The following PADI6 variants were observed in gnomAD, a reference collection of about 807,000 sequenced individuals.
The protein encoded by PADI6 is peptidyl arginine deiminase 6.
Under a neutral mutation model 78.2 loss-of-function variants are expected in PADI6, and 66 were observed. The observed-to-expected ratio is 0.84, with a 90% CI of 0.69 to 1.04. The LOEUF is 1.04. PADI6 is among the 50% of genes least tolerant of loss of function. The probability of loss-of-function intolerance (pLI) is 0.00; values close to 1 mark genes in which losing one functional copy is unlikely to be tolerated. For synonymous variants in PADI6, 397 were observed against 346.9 expected, an observed-to-expected ratio of 1.14 and a Z score of -1.60; for missense variants, 854 against 866.1, an observed-to-expected ratio of 0.99 and a Z score of 0.18.
Position 17,401,225 on chromosome 1 carries a change from C to CA in PADI6, c.1874dup (p.Asn626GlufsTer38), listed in dbSNP as rs745431993. 2.6e-5 allele frequency: 42 copies of CA among 1,613,870 alleles called. No individual in the cohort carries two copies. Among genetic ancestry groups the CA allele is most frequent in the Non-Finnish European group, 3.0e-5 (35 of 1,179,880 alleles). On this transcript the variant is annotated frameshift_variant, in exon 16 of 16. Coordinates refer to ENST00000619609, the MANE Select transcript of PADI6 (RefSeq NM_207421.4). LOFTEE classifies it high-confidence loss of function. Reference sequence around the variant, plus strand: ...AACAGTTGCGGATGATTGTGATGGGCAAGAACCTGGGGATCCCCAAGCCTT... The same window carrying CA: ...AACAGTTGCGGATGATTGTGATGGGCAAAGAACCTGGGGATCCCCAAGCCTT...
At position 17,375,873 on chromosome 1, in the gene PADI6, AAGAAC is replaced by A. The variant is rs532302912; in HGVS notation, c.367+376_367+380del. ...TGTCTCACTAGATCCTTTCTTATTC[AAGAAC>A]ATTCCTTTGTCAATTCTTACCAATG... is the stretch of plus-strand genomic sequence containing the variant. On this transcript the variant is annotated intron_variant, in intron 3 of 15. Coordinates refer to ENST00000619609, the MANE Select transcript of PADI6 (RefSeq NM_207421.4). Among the ~76,000 whole-genome samples the A allele has an allele frequency of 2.8e-3, 428 of 152,200 alleles. 7 individuals carry two copies. Among genetic ancestry groups the A allele is most frequent in the Admixed American group, 0.021 (327 of 15,290 alleles).
At chr1:17,393,604 G>A (rs1382964806) in intron 9 of PADI6, among the ~76,000 whole-genome samples, 1 of 152,168 alleles carries the variant, frequency 6.6e-6, no homozygotes, top group African/African-American at 2.4e-5. Flanking sequence ...CTCCTGAGTA[G>A]CTGGGATTAC....
At chr1:17,398,640 C>T (rs2075269186) in intron 14 of PADI6, 46 bp from the exon 15 acceptor site, 1 of 891,892 alleles carries the variant, frequency 1.1e-6, no homozygotes, top group Non-Finnish European at 1.7e-6. Flanking sequence ...CTGATGAGCT[C>T]TCCTTGCTCC....
At position 17,372,207 on chromosome 1, in the gene PADI6, G is replaced by A. The variant is rs1428397124; in HGVS notation, c.-39G>A. 6.3e-7 allele frequency: 1 copy of A among 1,579,424 alleles called. No homozygotes were observed. Among genetic ancestry groups the A allele is most frequent in the African/African-American group, 1.3e-5 (1 of 74,316 alleles). ...CAGGGTGAGCCCTGGGGCGTCTGAGGCTGCTGTGCTGAGTGAGGGCTGCGG... is the reference window on the plus strand; with the variant it reads ...CAGGGTGAGCCCTGGGGCGTCTGAGACTGCTGTGCTGAGTGAGGGCTGCGG... On this transcript the variant is annotated 5_prime_UTR_variant, in exon 1 of 16. Coordinates refer to ENST00000619609, the MANE Select transcript of PADI6 (RefSeq NM_207421.4).
At chr1:17,393,385 C>T (rs1161116243) in intron 9 of PADI6, among the ~76,000 whole-genome samples, 12 of 152,152 alleles carry the variant, frequency 7.9e-5, no homozygotes, top group Non-Finnish European at 1.8e-4. Context: ...AGAATAGAAG[C>T]GAAACTGGAA....
At chr1:17,388,274 C>T in intron 6 of PADI6, 107 bp from the exon 7 acceptor site, 1 of 1,087,578 alleles carries the variant, frequency 9.2e-7, no homozygotes, top group East Asian at 2.6e-5. Context: ...CCTCCTGGAA[C>T]TCACAGCCTT....
chr1:17,388,688 G>C, intron 7 of PADI6, 89 bp from the exon 8 acceptor site: 5 of 1,476,156 alleles, frequency 3.4e-6, no homozygotes, highest in Non-Finnish European at 4.6e-6. Flanking sequence ...GCCCAGCTGG[G>C]GGCCGGACTG....
In PADI6 at chr1:17,401,556, C is replaced by G; in HGVS notation, c.*118C>G. ...GAGAGTCCAGGCAACAGAACCCTTT[C>G]TTCCCTGTCTGCCCCGACCGACCCT... is the stretch of plus-strand genomic sequence containing the variant. On this transcript the variant is annotated 3_prime_UTR_variant, in exon 16 of 16. Transcript: ENST00000619609. 1 of 959,496 alleles carries G rather than the reference C, an allele frequency of 1.0e-6. No individual in the cohort carries two copies. Among genetic ancestry groups the G allele is most frequent in the Non-Finnish European group, 1.5e-6 (1 of 649,876 alleles). The allele number at this position is 959,496 out of a possible 1,614,324, so 59.4% of individuals were successfully genotyped here. A position where few individuals can be genotyped will look rare whatever the true frequency, so the allele number is the denominator to read the frequency against.
intron 9 of PADI6, among the ~76,000 whole-genome samples, chr1:17,393,716 C>T (rs116242816): frequency 1.2e-3 from 190 of 152,216 alleles, no homozygotes; most frequent in Non-Finnish European, 2.4e-3. Context: ...CTCAAGTGAT[C>T]CACCCACCTT....
In PADI6 at chr1:17,372,465, C is replaced by T. The variant is rs1030135578; in HGVS notation, c.116+104C>T. ...GTTGGGGGTTACTTCTCTAGCCTCA[C>T]TATCCTGCCCCATCTTGGGAAGCCT... On this transcript the variant is annotated intron_variant, in intron 1 of 15. Transcript: ENST00000619609. 4 of 1,069,528 alleles carry T rather than the reference C, an allele frequency of 3.7e-6. No individual in the cohort carries two copies. The East Asian group carries it at 7.1e-5, about 19-fold the overall frequency. 66.3% of individuals were successfully genotyped at this position (1,069,528 alleles called of 1,614,324 possible).
chr1:17,395,684 C>T (rs1466876077), intron 13 of PADI6, 21 bp downstream of exon 13: 70 of 1,601,486 alleles, frequency 4.4e-5, no homozygotes, highest in Non-Finnish European at 5.6e-5. Context: ...TCCCTTTCCA[C>T]AGAACAGAAC....
At chr1:17,380,849 C>T (rs2075066160) in intron 4 of PADI6, among the ~76,000 whole-genome samples, 198 bp from the exon 5 acceptor site, 1 of 152,184 alleles carries the variant, frequency 6.6e-6, no homozygotes, top group Admixed American at 6.5e-5. Context: ...CCGAACCTAG[C>T]TTCTTTCCCT....
intron 3 of PADI6, 90 bp from the exon 4 acceptor site, chr1:17,379,830 C>A: frequency 8.7e-7 from 1 of 1,155,040 alleles, no homozygotes. Flanking sequence ...CTGATGCCAG[C>A]CTTGGGCAGC....
Position 17,372,271 on chromosome 1 carries a change from T to G in PADI6, c.26T>G (p.Met9Arg). Residue 9 changes from methionine to arginine, a missense_variant, in exon 1 of 16, where the codon ATG (methionine) becomes AGG (arginine). Transcript: ENST00000619609. ...ATGGTCAGCGTGGAGGGCCGAGCCA[T>G]GTCCTTCCAGAGTATCATCCACCTG... MVSVEGRA[M>R]SFQSIIHLSL... is the part of the protein sequence containing the mutation. 6.2e-7 allele frequency: 1 copy of G among 1,613,950 alleles called. No homozygotes were observed. Among genetic ancestry groups the G allele is most frequent in the Non-Finnish European group, 8.5e-7 (1 of 1,179,860 alleles).
chr1:17,395,010 A>C lies in PADI6; in HGVS notation c.1397A>C (p.Gln466Pro). ...LRDFLYAQQV[Q>P]APVELYSDWL... ...GACTTCCTCTATGCCCAGCAGGTCC[A>C]AGCGCCGGTGGAGCTCTACTCAGAT... Residue 466 changes from glutamine to proline, a missense_variant, in exon 12 of 16, where the codon CAA becomes CCA. Coordinates refer to ENST00000619609, the MANE Select transcript of PADI6 (RefSeq NM_207421.4). The C allele has an allele frequency of 2.5e-6, 4 of 1,613,832 alleles. No individual in the cohort carries two copies. The highest frequency in any genetic ancestry group is 3.4e-6 in the Non-Finnish European group (4 of 1,179,892).
At position 17,401,209 on chromosome 1, in the gene PADI6, G is replaced by T. The variant is rs369442107; in HGVS notation, c.1856G>T (p.Arg619Leu). The part of the protein sequence containing the change: ...FARPYFPDLL[R>L]MIVMGKNLGI... ...CCCACCCTGTCTTTCTAACAGTTGC[G>T]GATGATTGTGATGGGCAAGAACCTG... The change falls in exon 16 of 16, where the codon CGG (arginine) becomes CTG (leucine). Residue 619 changes from arginine (R) to leucine (L), a missense_variant. Transcript: ENST00000619609. The T allele has an allele frequency of 3.7e-6, 6 of 1,613,740 alleles. No individual in the cohort carries two copies. Among genetic ancestry groups the T allele is most frequent in the Non-Finnish European group, 5.1e-6 (6 of 1,179,826 alleles).
intron 3 of PADI6, among the ~76,000 whole-genome samples, chr1:17,377,289 C>T (rs1570124093): frequency 6.6e-6 from 1 of 152,208 alleles, no homozygotes; most frequent in South Asian, 2.1e-4. Context: ...ACCTGCTGGT[C>T]AATCCCCTCT....
At position 17,395,062 on chromosome 1, in the gene PADI6, G is replaced by C. The variant is rs762788624; in HGVS notation, c.1449G>C (p.Glu483Asp). The C allele has an allele frequency of 6.2e-7, 1 of 1,613,940 alleles. No homozygotes were observed. The highest frequency in any genetic ancestry group is 1.7e-5 in the Admixed American group (1 of 59,990). Residue 483 changes from glutamate (E) to aspartate (D), a missense_variant, in exon 12 of 16, where the codon GAG becomes GAC. Glu to Asp is a conservative substitution (Grantham distance 45). Transcript: ENST00000619609. Reference sequence around the variant, plus strand: ...GGCTAATGACTGGCCACGTGGATGAGTTCATGTGCTTCATCCCCACAGATG... The same window carrying C: ...GGCTAATGACTGGCCACGTGGATGACTTCATGTGCTTCATCCCCACAGATG... ...SDWLMTGHVD[E>D]FMCFIPTDDK...
intron 8 of PADI6, among the ~76,000 whole-genome samples, chr1:17,391,473 G>T (rs896182602): frequency 2.0e-5 from 3 of 152,318 alleles, no homozygotes; most frequent in African/African-American, 7.2e-5. Flanking sequence ...GCCCGCCTCA[G>T]CCTCCCAAAG....
Sources: gnomAD v4.1 joint callset for allele counts (sites outside exome capture counted in the v4.1 genomes callset) on GRCh38, gnomAD v4.1.1 for gene constraint, MANE v1.5 for transcripts, NCBI Gene and HGNC (gene_info 2026-07-23, HGNC 2026-07-21) for gene names.